Variants in SPEF2 observed in about 807,000 individuals in gnomAD.
SPEF2 encodes sperm flagella and cilia-associated protein 2.
In SPEF2, 187 loss-of-function variants were observed where a neutral mutation model predicts 224.6. The observed-to-expected ratio is 0.83, with a 90% confidence interval of 0.74 to 0.94. The LOEUF (loss-of-function observed/expected upper bound fraction) is 0.94, where lower values mean the gene tolerates loss of function less well. Ranked by LOEUF, SPEF2 falls within the 40% of genes least tolerant of loss-of-function variation. The probability of loss-of-function intolerance (pLI) is 0.00; values close to 1 mark genes in which losing one functional copy is unlikely to be tolerated. For synonymous variants in SPEF2, 715 were observed against 707.3 expected (o/e 1.01, Z -0.17); for missense variants, 2,170 against 2,135.6 (o/e 1.02, Z -0.32).
At chr5:35,693,081 G>A (rs1413583438) in intron 12 of SPEF2, among the ~76,000 whole-genome samples, 2 of 151,902 alleles carry the variant, frequency 1.3e-5, no homozygotes, top group African/African-American at 4.9e-5. Context: ...GGTAAGTGGG[G>A]GTGGGTGAAG....
intron 34 of SPEF2, among the ~76,000 whole-genome samples, chr5:35,801,005 C>T (rs1441084752): frequency 2.0e-5 from 3 of 152,178 alleles, no homozygotes; most frequent in Non-Finnish European, 4.4e-5. Context: ...AAATGCCACC[C>T]TAAAGTTTGG....
chr5:35,703,107 T>A (rs911165383), intron 16 of SPEF2, among the ~76,000 whole-genome samples: 2 of 104,700 alleles, frequency 1.9e-5, no homozygotes, highest in South Asian at 2.7e-4. Context: ...TTTTTATTTT[T>A]TTTTTTATTC....
intron 23 of SPEF2, among the ~76,000 whole-genome samples, chr5:35,749,949 AACTAT>A (rs1438059453): frequency 1.3e-5 from 2 of 152,206 alleles, no homozygotes; most frequent in East Asian, 1.9e-4. Flanking sequence ...CCTGATTTCA[AACTAT>A]ACTATAAGGC....
intron 26 of SPEF2, among the ~76,000 whole-genome samples, chr5:35,768,140 C>T (rs575866032): frequency 9.2e-5 from 14 of 151,956 alleles, no homozygotes; most frequent in Non-Finnish European, 1.5e-4. Context: ...TAGCATAATG[C>T]CCACATCAAA....
intron 1 of SPEF2, among the ~76,000 whole-genome samples, chr5:35,626,650 C>A (rs1744301371): frequency 6.6e-6 from 1 of 152,070 alleles, no homozygotes; most frequent in South Asian, 2.1e-4. Context: ...CTAGACAGTT[C>A]AAGAGCTCAC....
At chr5:35,771,025 C>T (rs1752768144) in intron 26 of SPEF2, among the ~76,000 whole-genome samples, 1 of 152,106 alleles carries the variant, frequency 6.6e-6, no homozygotes, top group Non-Finnish European at 1.5e-5. Flanking sequence ...CCAATTAACA[C>T]AGGGCATGCT....
chr5:35,750,614 C>T (rs1749259507), intron 23 of SPEF2, among the ~76,000 whole-genome samples: 1 of 151,930 alleles, frequency 6.6e-6, no homozygotes, highest in Non-Finnish European at 1.5e-5. Context: ...CACTAATGAT[C>T]AGGGAAATGC....
chr5:35,640,363 G>A (rs938777937), intron 2 of SPEF2, among the ~76,000 whole-genome samples: 5 of 152,144 alleles, frequency 3.3e-5, no homozygotes, highest in Admixed American at 2.6e-4. Context: ...AATGGGAAGG[G>A]CATGAAAGGA....
chr5:35,685,157 G>C (rs1318759946), intron 10 of SPEF2, among the ~76,000 whole-genome samples: 1 of 151,810 alleles, frequency 6.6e-6, no homozygotes, highest in African/African-American at 2.4e-5. Context: ...ATAAATACAG[G>C]GTAGTATGTA....
chr5:35,759,857 T>G (rs939053593), intron 25 of SPEF2, 138 bp downstream of exon 25: 246 of 599,550 alleles, frequency 4.1e-4, no homozygotes, highest in Non-Finnish European at 4.7e-4. Context: ...ACCAAACATG[T>G]TTTTTTTTTA....
chr5:35,781,843 G>A (rs1391076221), intron 30 of SPEF2, among the ~76,000 whole-genome samples: 2 of 152,100 alleles, frequency 1.3e-5, no homozygotes, highest in African/African-American at 4.8e-5. Context: ...TGATTGACAG[G>A]AGTAACGTTC....
chr5:35,780,320 C>G (rs1014219065), intron 30 of SPEF2, among the ~76,000 whole-genome samples: 15 of 152,130 alleles, frequency 9.9e-5, no homozygotes, highest in African/African-American at 3.6e-4. Context: ...AAGAGCATTA[C>G]TCTAAGTCCG....
chr5:35,779,233 C>A lies in SPEF2; in HGVS notation c.4334C>A (p.Pro1445Gln). The change falls in exon 30 of 37, where the codon CCA (proline) becomes CAA (glutamine). Residue 1445 changes from proline (P) to glutamine (Q), a missense_variant. Transcript: ENST00000356031. ...ATTAATGGCAATATAAAAGTCTTCC[C>A]AGATCCTCCCCCATCAATACGTCCT... is the stretch of plus-strand genomic sequence containing the variant. ...FFINGNIKVF[P>Q]DPPPSIRPPP... 6.2e-7 allele frequency: 1 copy of A among 1,613,796 alleles called. No homozygotes were observed. Among genetic ancestry groups the A allele is most frequent in the East Asian group, 2.2e-5 (1 of 44,856 alleles).
intron 23 of SPEF2, among the ~76,000 whole-genome samples, chr5:35,740,960 C>G (rs1351354752): frequency 6.6e-6 from 1 of 152,138 alleles, no homozygotes; most frequent in Non-Finnish European, 1.5e-5. Flanking sequence ...ACAGTCAAAA[C>G]TGATTATAAC....
chr5:35,714,782 T>A (rs1229717158), intron 20 of SPEF2, among the ~76,000 whole-genome samples: 1 of 151,938 alleles, frequency 6.6e-6, no homozygotes, highest in East Asian at 1.9e-4. Flanking sequence ...CTGGTGGCAT[T>A]GCATTGCTTG....
At chr5:35,774,114 A>G in intron 28 of SPEF2, 93 bp downstream of exon 28, 2 of 1,485,886 alleles carry the variant, frequency 1.3e-6, no homozygotes, top group South Asian at 1.3e-5. Flanking sequence ...GCCTCAGACC[A>G]TGTCTATGAG....
intron 20 of SPEF2, among the ~76,000 whole-genome samples, chr5:35,721,449 G>GT (rs1427532431): frequency 6.6e-6 from 1 of 152,162 alleles, no homozygotes; most frequent in Non-Finnish European, 1.5e-5. Context: ...TAAGGGTGTG[G>GT]TTAGTTCCAT....
chr5:35,737,773 C>A (rs1241756804), intron 21 of SPEF2, among the ~76,000 whole-genome samples: 3 of 152,058 alleles, frequency 2.0e-5, no homozygotes, highest in Non-Finnish European at 4.4e-5. Flanking sequence ...GATCTAGATC[C>A]CTGAAGAATC....
chr5:35,628,852 A>G (rs1307519961), intron 2 of SPEF2, among the ~76,000 whole-genome samples: 4 of 151,888 alleles, frequency 2.6e-5, no homozygotes, highest in African/African-American at 9.7e-5. Flanking sequence ...TCAGCCTTCC[A>G]AAGTGTTGAG....
Sources: gnomAD v4.1 joint callset for allele counts (sites outside exome capture counted in the v4.1 genomes callset) on GRCh38, gnomAD v4.1.1 for gene constraint, MANE v1.5 for transcripts, NCBI Gene and HGNC (gene_info 2026-07-23, HGNC 2026-07-21) for gene names.